RTL6: variants seen among roughly 807,000 people sequenced by gnomAD.
RTL6 encodes the protein retrotransposon Gag like 6.
Under a neutral mutation model 12.4 loss-of-function variants are expected in RTL6, and 9 were observed. The observed-to-expected ratio is 0.73, with a 90% CI of 0.44 to 1.27. The LOEUF is 1.27. Among genes scored for constraint, RTL6 ranks in the 50% most tolerant of loss-of-function variants. The pLI, the probability that RTL6 is intolerant of heterozygous loss-of-function variation, is 0.00. For synonymous variants in RTL6, 160 were observed against 142.8 expected (o/e 1.12, Z -0.86); for missense variants, 291 against 330.7 (o/e 0.88, Z 0.93).
In RTL6 at chr22:44,496,761, A is replaced by G; in HGVS notation, c.*76T>C. On this transcript the variant is annotated 3_prime_UTR_variant, in exon 2 of 2. Transcript: ENST00000341255. ...CTTCAAACAGGGGCAAAGCTGTCGT[A>G]TGGGCATTTCTTCTACACAGCAAAG... The G allele has an allele frequency of 6.7e-7, 1 of 1,487,044 alleles. No individual in the cohort carries two copies. The highest frequency in any genetic ancestry group is 9.0e-7 in the Non-Finnish European group (1 of 1,113,058). The allele number at this position is 1,487,044 out of a possible 1,614,324, so 92.1% of individuals were successfully genotyped here.
In RTL6 at chr22:44,497,435, C is replaced by A. The variant is rs1273132176; in HGVS notation, c.122G>T (p.Arg41Leu). The change falls in exon 2 of 2, where the codon CGG becomes CTG. Residue 41 changes from arginine (R) to leucine (L), a missense_variant. Transcript: ENST00000341255. ...CTCCGCCCGCAGGGTGGAAGCCTCC[C>A]GCCTCAGCGCCGAGTTGGTGAGGCG... is the stretch of plus-strand genomic sequence containing the variant. ...SLRLTNSALR[R>L]EASTLRAEKA... 3 of 1,614,042 alleles carry A rather than the reference C, an allele frequency of 1.9e-6. No individual in the cohort carries two copies. In the East Asian group the frequency reaches 6.7e-5, roughly 36 times the overall value.
chr22:44,497,371 T>C lies in RTL6; in HGVS notation c.186A>G (p.Ala62=), dbSNP rs747839125. The change falls in exon 2 of 2, where the codon GCA becomes GCG. Residue 62 remains alanine, a synonymous_variant. Transcript: ENST00000341255. ...NLTNMLESVM[A]ELTLLRTRAR... The stretch of plus-strand genomic sequence containing the variant: ...CCCTGGTGCGTAACAAGGTCAGCTC[T>C]GCCATCACGCTCTCCAGCATGTTGG... The C allele has an allele frequency of 6.2e-7, 1 of 1,613,360 alleles. No individual in the cohort carries two copies. The highest frequency in any genetic ancestry group is 8.5e-7 in the Non-Finnish European group (1 of 1,179,396).
In RTL6 at chr22:44,495,121, G is replaced by T. The variant is rs917960143; in HGVS notation, c.*1716C>A. The T allele has an allele frequency of 2.6e-5, 4 of 152,686 alleles. No individual in the cohort carries two copies. The highest frequency in any genetic ancestry group is 9.6e-5 in the African/African-American group (4 of 41,462). The allele number at this position is 152,686 out of a possible 1,614,324, so 9.5% of individuals were successfully genotyped here. On this transcript the variant is annotated 3_prime_UTR_variant, in exon 2 of 2. Coordinates refer to ENST00000341255, the MANE Select transcript of RTL6 (RefSeq NM_032287.3). ...AGGGGAACCTAAAGCCTGTATTCAGGCAGTTGTTCAGCAGGGCAATTGGGC... is the reference window on the plus strand; with the variant it reads ...AGGGGAACCTAAAGCCTGTATTCAGTCAGTTGTTCAGCAGGGCAATTGGGC...
rs3827402 is a variant in RTL6 at position 44,494,771 on chromosome 22, T to C, written c.*2066A>G. On this transcript the variant is annotated 3_prime_UTR_variant, in exon 2 of 2. Transcript: ENST00000341255. The stretch of plus-strand genomic sequence containing the variant: ...CAGCACAGGCCTGACACAGACATGG[T>C]AGGGCTTTCAAAAAGCCACTCGAGT... 0.5 allele frequency: 75,576 copies of C among 151,452 alleles called. 19,039 individuals are homozygous for C. Among genetic ancestry groups the C allele is most frequent in the Non-Finnish European group, 0.52 (35,260 of 67,824 alleles). The allele number at this position is 151,452 out of a possible 1,614,324, so 9.4% of individuals were successfully genotyped here.
chr22:44,497,266 A>T lies in RTL6; in HGVS notation c.291T>A (p.Pro97=). The T allele has an allele frequency of 6.2e-7, 1 of 1,614,122 alleles. No individual in the cohort carries two copies. Among genetic ancestry groups the T allele is most frequent in the South Asian group, 1.1e-5 (1 of 91,088 alleles). Reference sequence around the variant, plus strand: ...AAAAGGGCTCGGGCAGAGAGGTTGGAGGTGTGGTCATGGGTCGAGTCCCGT... The same window carrying T: ...AAAAGGGCTCGGGCAGAGAGGTTGGTGGTGTGGTCATGGGTCGAGTCCCGT... ...TSNGTRPMTT[P]PTSLPEPFSG... is the part of the protein sequence containing the mutation. The change falls in exon 2 of 2, where the codon CCT becomes CCA. Residue 97 remains proline, a synonymous_variant. Transcript: ENST00000341255.
In RTL6 at chr22:44,495,953, A is replaced by C. The variant is rs1219867262; in HGVS notation, c.*884T>G. Reference sequence around the variant, plus strand: ...GGCACTGCCCATGGAGATCCTGGGCAGCAAAGGGAGTCGCTGGTATCCACC... The same window carrying C: ...GGCACTGCCCATGGAGATCCTGGGCCGCAAAGGGAGTCGCTGGTATCCACC... On this transcript the variant is annotated 3_prime_UTR_variant, in exon 2 of 2. Coordinates refer to ENST00000341255, the MANE Select transcript of RTL6 (RefSeq NM_032287.3). The C allele has an allele frequency of 6.6e-6, 1 of 152,318 alleles. No homozygotes were observed. The highest frequency in any genetic ancestry group is 1.5e-5 in the Non-Finnish European group (1 of 68,086). The allele number at this position is 152,318 out of a possible 1,614,324, so 9.4% of individuals were successfully genotyped here. A position where few individuals can be genotyped will look rare whatever the true frequency, so the allele number is the denominator to read the frequency against.
Position 44,495,063 on chromosome 22 carries a change from A to T in RTL6, c.*1774T>A, listed in dbSNP as rs907359116. The T allele has an allele frequency of 3.3e-5, 5 of 152,726 alleles. No individual in the cohort carries two copies. The highest frequency in any genetic ancestry group is 2.4e-5 in the African/African-American group (1 of 41,460). The allele number at this position is 152,726 out of a possible 1,614,324, so 9.5% of individuals were successfully genotyped here. A position where few individuals can be genotyped will look rare whatever the true frequency, so the allele number is the denominator to read the frequency against. ...CCTCCGATCACGCTTAAAGAGCACC[A>T]TGGTCCCACCTGAACAGCCTTGGCT... On this transcript the variant is annotated 3_prime_UTR_variant, in exon 2 of 2. Transcript: ENST00000341255.
Position 44,497,168 on chromosome 22 carries a change from A to G in RTL6, c.389T>C (p.Phe130Ser). The change falls in exon 2 of 2, where the codon TTC becomes TCC. Residue 130 changes from phenylalanine (F) to serine (S), a missense_variant. Physicochemically the swap from Phe to Ser is radical, Grantham distance 155. Coordinates refer to ENST00000341255, the MANE Select transcript of RTL6 (RefSeq NM_032287.3). Reference sequence around the variant, plus strand: ...GGCCACACGCTCGGCCTCACCCGGGAAGCGGGAGGCCTGGAAGATCATGAA... The same window carrying G: ...GGCCACACGCTCGGCCTCACCCGGGGAGCGGGAGGCCTGGAAGATCATGAA... ...DRFMIFQASRFPGEAERVAFL... is the reference protein window; with the variant it reads ...DRFMIFQASRSPGEAERVAFL... 1 of 1,613,840 alleles carries G rather than the reference A, an allele frequency of 6.2e-7. No homozygotes were observed. The highest frequency in any genetic ancestry group is 8.5e-7 in the Non-Finnish European group (1 of 1,179,808).
rs1249009760 is a variant in RTL6 at position 44,494,715 on chromosome 22, G to A, written c.*2122C>T. On this transcript the variant is annotated 3_prime_UTR_variant, in exon 2 of 2. Transcript: ENST00000341255. ...GAGTGTGTGGACAGGGAGCGTGGCC[G>A]GCCTTTCCTAGGCAGCTGTAGGATG... 3.3e-5 allele frequency: 5 copies of A among 152,730 alleles called. No homozygotes were observed. The highest frequency in any genetic ancestry group is 6.6e-5 in the Admixed American group (1 of 15,266). 9.5% of individuals were successfully genotyped at this position (152,730 alleles called of 1,614,324 possible).
chr22:44,497,331 C>G lies in RTL6; in HGVS notation c.226G>C (p.Ala76Pro). 1.2e-6 allele frequency: 2 copies of G among 1,612,904 alleles called. No individual in the cohort carries two copies. Among genetic ancestry groups the G allele is most frequent in the Non-Finnish European group, 1.7e-6 (2 of 1,179,084 alleles). ...LLRTRARIPG[A>P]LQITPPISSI... ...GAGATGGGCGGGGTGATCTGCAGAG[C>G]CCCCGGGATCCGCGCCCTGGTGCGT... Residue 76 changes from alanine (A) to proline (P), a missense_variant, in exon 2 of 2, where the codon GCT (alanine) becomes CCT (proline). This residue lies in a region of RTL6 where 155 missense variants were observed against 149.2 expected (regional missense o/e 1.04). Transcript: ENST00000341255.
rs762030861 is a variant in RTL6 at position 44,497,034 on chromosome 22, TC to T, written c.522del (p.Arg175GlufsTer134). 3.1e-6 allele frequency: 5 copies of T among 1,614,056 alleles called. No homozygotes were observed. The highest frequency in any genetic ancestry group is 4.2e-6 in the Non-Finnish European group (5 of 1,180,000). ...NNYQGFLAELRRTYKSPLRHA... is the reference protein window; with the variant it reads ...NNYQGFLAELXRTYKSPLRHA... ...TGCCGGAGCGGAGACTTGTAGGTTC[TC>T]CGCAACTCTGCCAGGAACCCCTGAT... On this transcript the variant is annotated frameshift_variant, in exon 2 of 2. Transcript: ENST00000341255. LOFTEE classifies it high-confidence loss of function.
In RTL6 at chr22:44,497,221, CA is replaced by C; in HGVS notation, c.335del (p.Leu112TrpfsTer5). On this transcript the variant is annotated frameshift_variant, in exon 2 of 2. Coordinates refer to ENST00000341255, the MANE Select transcript of RTL6 (RefSeq NM_032287.3). LOFTEE classifies it high-confidence loss of function. Reference protein sequence around the residue: ...PEPFSGDPGRLAGFLMQMDRF... With the variant: ...PEPFSGDPGRXAGFLMQMDRF... ...TGTCCATCTGCATCAGGAACCCCGC[CA>C]ACCGGCCTGGGTCCCCGGAAAAGGG... 1.9e-6 allele frequency: 3 copies of C among 1,614,148 alleles called. No individual in the cohort carries two copies. Among genetic ancestry groups the C allele is most frequent in the Non-Finnish European group, 2.5e-6 (3 of 1,180,022 alleles).
rs1314039804 is a variant in RTL6, at chr22:44,497,088, G to C, written c.469C>G (p.Gln157Glu). The change falls in exon 2 of 2, where the codon CAA (glutamine) becomes GAA (glutamate). Residue 157 changes from glutamine to glutamate, a missense_variant. By Grantham distance (29) the Gln-to-Glu change is conservative (BLOSUM62 2). Around this residue, in one of 3 missense-constraint regions of RTL6, gnomAD observed 132 missense variants for 163.9 expected, o/e 0.81. Transcript: ENST00000341255. ...EAEKWAIPHMQPDSPLRNNYQ... is the reference protein window; with the variant it reads ...EAEKWAIPHMEPDSPLRNNYQ... ...TTGTTGCGCAAGGGGCTGTCAGGTT[G>C]CATGTGGGGGATAGCCCACTTCTCC... The C allele has an allele frequency of 6.2e-7, 1 of 1,614,070 alleles. No individual in the cohort carries two copies. The highest frequency in any genetic ancestry group is 8.5e-7 in the Non-Finnish European group (1 of 1,180,034).
chr22:44,497,617 A>G lies in RTL6; in HGVS notation c.-61T>C. 1 of 1,569,392 alleles carries G rather than the reference A, an allele frequency of 6.4e-7. No homozygotes were observed. The highest frequency in any genetic ancestry group is 8.6e-7 in the Non-Finnish European group (1 of 1,158,074). ...GGTGGACCAAGAGGGTGTGGTGACC[A>G]GGTGGGCCCCTGTAGAAATGGGGGC... is the stretch of plus-strand genomic sequence containing the variant. On this transcript the variant is annotated 5_prime_UTR_variant, in exon 2 of 2. Transcript: ENST00000341255.
rs754118942 is a variant in RTL6, at chr22:44,492,847, T to C, written c.*3990A>G. The stretch of plus-strand genomic sequence containing the variant: ...ACATGTTTATCCTTGCTGGTGGCAG[T>C]GTAAGGGGATACAAATATTTCCGGA... On this transcript the variant is annotated 3_prime_UTR_variant, in exon 2 of 2. Coordinates refer to ENST00000341255, the MANE Select transcript of RTL6 (RefSeq NM_032287.3). 2 of 152,198 alleles carry C rather than the reference T, an allele frequency of 1.3e-5. No individual in the cohort carries two copies. The highest frequency in any genetic ancestry group is 1.9e-4 in the East Asian group (1 of 5,204). The allele number at this position is 152,198 out of a possible 1,614,324, so 9.4% of individuals were successfully genotyped here.
rs542668855 is a variant in RTL6 at position 44,497,777 on chromosome 22, C to G, written c.-221G>C. The G allele has an allele frequency of 3.8e-5, 23 of 601,876 alleles. No individual in the cohort carries two copies. The highest frequency in any genetic ancestry group is 2.6e-4 in the African/African-American group (14 of 53,360). 37.3% of individuals were successfully genotyped at this position (601,876 alleles called of 1,614,324 possible). Reference sequence around the variant, plus strand: ...CCTTTACTGCAGACTTCGCGGACTACGGAGCCAGACGGGTGGCTGGACCTG... The same window carrying G: ...CCTTTACTGCAGACTTCGCGGACTAGGGAGCCAGACGGGTGGCTGGACCTG... On this transcript the variant is annotated 5_prime_UTR_variant, in exon 2 of 2. Transcript: ENST00000341255.
Sources: gnomAD v4.1 joint callset for allele counts on GRCh38, gnomAD v4.1.1 for gene constraint, gnomAD v4.1.1 regional missense constraint, MANE v1.5 for transcripts, NCBI Gene and HGNC (gene_info 2026-07-23, HGNC 2026-07-21) for gene names.